The following MEIKIN variants were observed in gnomAD, a reference collection of about 807,000 sequenced individuals.
The protein encoded by MEIKIN is meiosis-specific kinetochore protein.
chr5:131,911,735 A>G (rs1338317866), intron 8 of MEIKIN, 80 bp downstream of exon 8: 1 of 391,844 alleles, frequency 2.6e-6, no homozygotes, highest in Non-Finnish European at 4.5e-6. Context: ...TGTTGCAGGT[A>G]GCAAAAATAA....
intron 9 of MEIKIN, among the ~76,000 whole-genome samples, chr5:131,878,371 T>A (rs1750650213): frequency 6.6e-6 from 1 of 152,016 alleles, no homozygotes; most frequent in Non-Finnish European, 1.5e-5. Context: ...ATCGAGTCCA[T>A]CCTGGCTAAC....
At chr5:131,894,942 T>C (rs1406476011) in intron 8 of MEIKIN, among the ~76,000 whole-genome samples, 9 of 152,220 alleles carry the variant, frequency 5.9e-5, no homozygotes, top group Admixed American at 2.0e-4. Flanking sequence ...CTATGTTGAA[T>C]AGGAGTGGTG....
chr5:131,920,854 A>T (rs1421011602), intron 6 of MEIKIN, among the ~76,000 whole-genome samples: 1 of 152,048 alleles, frequency 6.6e-6, no homozygotes, highest in African/African-American at 2.4e-5. Context: ...GGCGTGCACC[A>T]TCACATCTGG....
intron 9 of MEIKIN, among the ~76,000 whole-genome samples, chr5:131,878,612 G>A (rs1176754960): frequency 1.3e-5 from 2 of 152,126 alleles, no homozygotes; most frequent in Non-Finnish European, 2.9e-5. Context: ...GCTCATGCCT[G>A]TAATTCCAGG....
At chr5:131,857,817 C>T (rs1750221269) in intron 9 of MEIKIN, among the ~76,000 whole-genome samples, 1 of 152,216 alleles carries the variant, frequency 6.6e-6, no homozygotes, top group Non-Finnish European at 1.5e-5. Flanking sequence ...TGTGTGTGTA[C>T]ATGCACCCTG....
At chr5:131,868,300 G>A (rs940515098) in intron 9 of MEIKIN, among the ~76,000 whole-genome samples, 4 of 152,166 alleles carry the variant, frequency 2.6e-5, no homozygotes, top group Non-Finnish European at 5.9e-5. Context: ...GCCCAGGCTA[G>A]TCTTGAACCC....
chr5:131,858,639 A>G (rs778732330), intron 9 of MEIKIN, among the ~76,000 whole-genome samples: 5 of 152,236 alleles, frequency 3.3e-5, no homozygotes, highest in Non-Finnish European at 7.3e-5. Flanking sequence ...CAAGAGAGTA[A>G]ACAGACAACC....
chr5:131,825,441 C>T (rs1749594614), intron 11 of MEIKIN, among the ~76,000 whole-genome samples: 1 of 152,124 alleles, frequency 6.6e-6, no homozygotes, highest in South Asian at 2.1e-4. Flanking sequence ...AGACATAGGG[C>T]CAAAACAAGG....
At chr5:131,878,837 T>C in intron 9 of MEIKIN, 141 bp downstream of exon 9, 1 of 374,846 alleles carries the variant, frequency 2.7e-6, no homozygotes, top group Non-Finnish European at 4.7e-6. Flanking sequence ...ATCACAGCAC[T>C]GAACTCTAAC....
intron 11 of MEIKIN, 27 bp from the exon 12 acceptor site, chr5:131,818,890 C>T (rs1019682023): frequency 1.3e-4 from 50 of 396,146 alleles, no homozygotes; most frequent in Middle Eastern, 6.3e-4. Flanking sequence ...GCAGATATTG[C>T]ATAATTCCTC....
intron 11 of MEIKIN, among the ~76,000 whole-genome samples, chr5:131,827,587 C>A (rs996868153): frequency 6.6e-6 from 1 of 151,986 alleles, no homozygotes; most frequent in Admixed American, 6.6e-5. Flanking sequence ...GCAGACAAAA[C>A]AGAATTCAAG....
At chr5:131,930,968 GGTCA>G (rs1751679850) in intron 5 of MEIKIN, among the ~76,000 whole-genome samples, 1 of 151,958 alleles carries the variant, frequency 6.6e-6, no homozygotes, top group Admixed American at 6.6e-5. Context: ...ATTTCATTGG[GGTCA>G]GTTTCTGGGG....
intron 9 of MEIKIN, among the ~76,000 whole-genome samples, chr5:131,865,787 C>A (rs947086924): frequency 6.6e-6 from 1 of 152,232 alleles, no homozygotes; most frequent in African/African-American, 2.4e-5. Context: ...TGTATGATTT[C>A]TTTGGCTGTA....
intron 11 of MEIKIN, among the ~76,000 whole-genome samples, chr5:131,844,087 G>C (rs1037466679): frequency 1.3e-4 from 20 of 152,062 alleles, no homozygotes; most frequent in Non-Finnish European, 2.9e-4. Context: ...AAAAGAAAAG[G>C]GAGAAGTGCC....
chr5:131,837,839 T>C (rs1749836260), intron 11 of MEIKIN, among the ~76,000 whole-genome samples: 2 of 152,176 alleles, frequency 1.3e-5, no homozygotes, highest in Non-Finnish European at 2.9e-5. Flanking sequence ...CCTATTTCTA[T>C]GCCCTTTATT....
In MEIKIN at chr5:131,850,005, T is replaced by C. The variant is rs572351111; in HGVS notation, c.975+1259A>G. Among the ~76,000 whole-genome samples, 8 of 151,076 alleles carry C rather than the reference T, an allele frequency of 5.3e-5. No individual in the cohort carries two copies. The East Asian group carries it at 1.4e-3, about 26-fold the overall frequency. On this transcript the variant is annotated intron_variant, in intron 11 of 12. Coordinates refer to ENST00000442687, the MANE Select transcript of MEIKIN (RefSeq NM_001303622.2). ...ACAAAGTCAATACACAAAAATCAGG[T>C]GAATTTCTACACACTAACATAAGCA... is the stretch of plus-strand genomic sequence containing the variant.
chr5:131,835,206 A>G (rs185361418), intron 11 of MEIKIN, among the ~76,000 whole-genome samples: 76 of 151,164 alleles, frequency 5.0e-4, no homozygotes, highest in African/African-American at 1.8e-3. Context: ...GTGTATATAT[A>G]TGTGTGTATA....
At chr5:131,857,065 T>C (rs1433785719) in intron 9 of MEIKIN, among the ~76,000 whole-genome samples, 2 of 152,056 alleles carry the variant, frequency 1.3e-5, no homozygotes, top group African/African-American at 4.8e-5. Context: ...CATTAACTCA[T>C]CATTTAACAT....
At chr5:131,852,277 T>A (rs1313737787) in intron 10 of MEIKIN, among the ~76,000 whole-genome samples, 1 of 152,110 alleles carries the variant, frequency 6.6e-6, no homozygotes, top group African/African-American at 2.4e-5. Flanking sequence ...GATGGTTTTA[T>A]AGGGTAGTTT....
Sources: allele counts gnomAD v4.1 joint callset (sites outside exome capture counted in the v4.1 genomes callset), GRCh38; gene constraint gnomAD v4.1.1; transcripts MANE v1.5; gene names NCBI Gene and HGNC (gene_info 2026-07-23, HGNC 2026-07-21).